The following SNTG1 variants were observed in gnomAD, a reference collection of about 807,000 sequenced individuals.
SNTG1 encodes the protein gamma-1-syntrophin.
SNTG1 carries 39 observed loss-of-function variants against 74.7 expected under a neutral mutation model. The observed-to-expected ratio is 0.52, with a 90% CI of 0.40 to 0.68. The LOEUF (loss-of-function observed/expected upper bound fraction) is 0.68. Among genes scored for constraint, SNTG1 ranks in the 30% least tolerant of loss-of-function variants. SNTG1 has a pLI of 0.00. For missense variants in SNTG1, 685 were observed against 609.5 expected, an observed-to-expected ratio of 1.12 and a Z score of -1.30; for synonymous variants, 254 against 217.1, an observed-to-expected ratio of 1.17 and a Z score of -1.49.
intron 17 of SNTG1, among the ~76,000 whole-genome samples, chr8:50,751,227 C>A (rs2095566629): frequency 6.6e-6 from 1 of 151,922 alleles, no homozygotes. Context: ...ACACAATTTT[C>A]TTCTTTAATG....
chr8:50,240,714 T>C (rs1450401508), intron 2 of SNTG1, among the ~76,000 whole-genome samples: 1 of 152,214 alleles, frequency 6.6e-6, no homozygotes, highest in African/African-American at 2.4e-5. Flanking sequence ...TGTTGGCCTC[T>C]GACTCATTCC....
At chr8:50,353,516 G>A (rs2091731319) in intron 2 of SNTG1, among the ~76,000 whole-genome samples, 1 of 152,012 alleles carries the variant, frequency 6.6e-6, no homozygotes, top group Non-Finnish European at 1.5e-5. Flanking sequence ...CCAATATCAT[G>A]AAAAATAAGC....
intron 17 of SNTG1, among the ~76,000 whole-genome samples, chr8:50,735,103 C>T (rs528440001): frequency 2.4e-4 from 36 of 150,906 alleles, no homozygotes; most frequent in South Asian, 1.5e-3. Context: ...GTTCATCATC[C>T]GAAACAGAAA....
intron 1 of SNTG1, among the ~76,000 whole-genome samples, chr8:50,127,748 A>G (rs1422538249): frequency 2.0e-5 from 3 of 152,108 alleles, no homozygotes; most frequent in Non-Finnish European, 4.4e-5. Context: ...CAACCTACAA[A>G]CTCTCTGACC....
chr8:50,075,209 G>A (rs1339950953), intron 1 of SNTG1, among the ~76,000 whole-genome samples: 1 of 152,192 alleles, frequency 6.6e-6, no homozygotes, highest in Admixed American at 6.5e-5. Flanking sequence ...CTGCTCTGTG[G>A]TGCCCAGTCC....
At chr8:50,129,433 G>A (rs752943010) in intron 1 of SNTG1, among the ~76,000 whole-genome samples, 3 of 152,070 alleles carry the variant, frequency 2.0e-5, no homozygotes, top group Non-Finnish European at 4.4e-5. Context: ...CACCCTCAGA[G>A]GACCCCAAAT....
intron 1 of SNTG1, among the ~76,000 whole-genome samples, chr8:50,141,848 T>C (rs1482167645): frequency 6.6e-6 from 1 of 152,084 alleles, no homozygotes; most frequent in Non-Finnish European, 1.5e-5. Context: ...TGCATAATTA[T>C]GTATATTTAT....
intron 10 of SNTG1, among the ~76,000 whole-genome samples, chr8:50,535,305 G>A (rs2094299432): frequency 6.6e-6 from 1 of 152,120 alleles, no homozygotes; most frequent in African/African-American, 2.4e-5. Context: ...ATTCTGACTT[G>A]CAGCTTAAGA....
chr8:50,777,540 T>C (rs2095644510), intron 18 of SNTG1, among the ~76,000 whole-genome samples: 1 of 151,626 alleles, frequency 6.6e-6, no homozygotes, highest in African/African-American at 2.4e-5. Context: ...GTTCTAAGCA[T>C]GGTGATAATT....
chr8:50,573,931 T>A (rs908545641), intron 12 of SNTG1, among the ~76,000 whole-genome samples: 6 of 152,022 alleles, frequency 3.9e-5, no homozygotes, highest in African/African-American at 1.4e-4. Flanking sequence ...AATAACGTGA[T>A]AGAATCAAAT....
intron 12 of SNTG1, among the ~76,000 whole-genome samples, chr8:50,571,173 A>G (rs1198577918): frequency 6.6e-6 from 1 of 152,050 alleles, no homozygotes; most frequent in South Asian, 2.1e-4. Context: ...TTAGCGTTTC[A>G]GCAGCCGTGG....
At chr8:50,485,714 C>G (rs1403975223) in intron 8 of SNTG1, among the ~76,000 whole-genome samples, 8 of 151,110 alleles carry the variant, frequency 5.3e-5, no homozygotes, top group African/African-American at 2.0e-4. Context: ...GTTGCCATTG[C>G]TTTTGGTGTT....
intron 2 of SNTG1, among the ~76,000 whole-genome samples, chr8:50,293,673 G>T (rs921206548): frequency 6.6e-6 from 1 of 152,032 alleles, no homozygotes; most frequent in African/African-American, 2.4e-5. Flanking sequence ...GCCTCCCAAA[G>T]TGCTGGGATT....
At chr8:50,284,048 C>A (rs1189368612) in intron 2 of SNTG1, among the ~76,000 whole-genome samples, 3 of 151,966 alleles carry the variant, frequency 2.0e-5, no homozygotes, top group African/African-American at 7.2e-5. Flanking sequence ...TCCACGATGC[C>A]TTCCAGGATA....
At chr8:50,182,088 T>C (rs908201344) in intron 2 of SNTG1, among the ~76,000 whole-genome samples, 11 of 152,212 alleles carry the variant, frequency 7.2e-5, no homozygotes, top group African/African-American at 2.2e-4. Context: ...ATATTAAGAA[T>C]ATAATATTAT....
intron 2 of SNTG1, among the ~76,000 whole-genome samples, chr8:50,229,649 T>C (rs576076597): frequency 1.0e-5 from 1 of 99,590 alleles, no homozygotes; most frequent in African/African-American, 2.5e-5. Flanking sequence ...GTTTGAGACT[T>C]TATCACCCTT....
chr8:49,985,681 G>C (rs1044543878), intron 1 of SNTG1, among the ~76,000 whole-genome samples: 1 of 152,134 alleles, frequency 6.6e-6, no homozygotes, highest in African/African-American at 2.4e-5. Flanking sequence ...TGCAAGTTTT[G>C]ATAATCAAAT....
At chr8:50,345,096 A>G (rs1400707760) in intron 2 of SNTG1, among the ~76,000 whole-genome samples, 3 of 152,122 alleles carry the variant, frequency 2.0e-5, no homozygotes, top group African/African-American at 7.2e-5. Flanking sequence ...TGAGACAATC[A>G]ATTTCTGTTG....
chr8:49,922,377 G>A (rs148368799), intron 1 of SNTG1, among the ~76,000 whole-genome samples: 1 of 152,172 alleles, frequency 6.6e-6, no homozygotes, highest in East Asian at 1.9e-4. Context: ...CCTTTTCAGT[G>A]CACTAAAAAG....
Sources: allele counts gnomAD v4.1 joint callset (sites outside exome capture counted in the v4.1 genomes callset), GRCh38; gene constraint gnomAD v4.1.1; transcripts MANE v1.5; gene names NCBI Gene and HGNC (gene_info 2026-07-23, HGNC 2026-07-21).